Variants in PTPN2 observed in about 807,000 individuals in gnomAD.
PTPN2 encodes the protein tyrosine-protein phosphatase non-receptor type 2.
In PTPN2, 19 loss-of-function variants were observed where a neutral mutation model predicts 57.3. The observed-to-expected ratio is 0.33, with a 90% CI of 0.23 to 0.49. PTPN2 has a LOEUF of 0.49. Among genes scored for constraint, PTPN2 ranks in the 20% least tolerant of loss-of-function variants. The probability of loss-of-function intolerance (pLI) is 0.99; values close to 1 mark genes in which losing one functional copy is unlikely to be tolerated. For synonymous variants in PTPN2, 153 were observed against 164.9 expected (o/e 0.93, Z 0.55); for missense variants, 358 against 501.1 (o/e 0.71, Z 2.73).
chr18:12,855,195 G>A (rs182135075), intron 2 of PTPN2, among the ~76,000 whole-genome samples: 2 of 152,268 alleles, frequency 1.3e-5, no homozygotes, highest in East Asian at 3.9e-4. Flanking sequence ...AGTGTGCATG[G>A]TGGGGAGGGT....
chr18:12,835,653 G>A (rs1303697564), intron 3 of PTPN2, among the ~76,000 whole-genome samples: 1 of 152,120 alleles, frequency 6.6e-6, no homozygotes, highest in Non-Finnish European at 1.5e-5. Flanking sequence ...TGGGATTACA[G>A]GTGTGAGCCT....
At position 12,793,868 on chromosome 18, in the gene PTPN2, C is replaced by A; in HGVS notation, c.*410G>T. 9.6e-7 allele frequency: 1 copy of A among 1,038,266 alleles called. No homozygotes were observed. Among genetic ancestry groups the A allele is most frequent in the Non-Finnish European group, 1.2e-6 (1 of 859,456 alleles). 64.3% of individuals were successfully genotyped at this position (1,038,266 alleles called of 1,614,324 possible). On this transcript the variant is annotated 3_prime_UTR_variant, in exon 9 of 9. Coordinates refer to ENST00000309660, the MANE Select transcript of PTPN2 (RefSeq NM_002828.4). ...TACATTACACACATTATTTAAATGT[C>A]ATTTTCTTTCCAATAACGTAGATAA...
In PTPN2 at chr18:12,870,500, A is replaced by AG. The variant is rs765653644; in HGVS notation, c.70-11247_70-11246insC. 7.6e-3 allele frequency among the ~76,000 whole-genome samples: 400 copies of AG among 52,564 alleles called. 23 individuals carry two copies. Among genetic ancestry groups the AG allele is most frequent in the Non-Finnish European group, 0.011 (325 of 29,692 alleles). The allele number at this position is 52,564 out of a possible 152,430, so 34.5% of individuals were successfully genotyped here. Reference sequence around the variant, plus strand: ...AGAGAGAGAGAGAGAGAGAGAGAGAAAAGCGTGTTGTTTTTTTTTTTTTTT... The same window carrying AG: ...AGAGAGAGAGAGAGAGAGAGAGAGAAGAAGCGTGTTGTTTTTTTTTTTTTTT... On this transcript the variant is annotated intron_variant, in intron 1 of 8. Coordinates refer to ENST00000309660, the MANE Select transcript of PTPN2 (RefSeq NM_002828.4).
intron 2 of PTPN2, among the ~76,000 whole-genome samples, chr18:12,851,953 C>T (rs901486436): frequency 6.6e-6 from 1 of 152,000 alleles, no homozygotes; most frequent in African/African-American, 2.4e-5. Context: ...CGCAGAAAGA[C>T]AAATACTGCA....
intron 2 of PTPN2, among the ~76,000 whole-genome samples, chr18:12,856,658 T>C (rs1414515682): frequency 6.6e-6 from 1 of 152,162 alleles, no homozygotes. Context: ...ACAACATAAG[T>C]CTAAAAGCTG....
chr18:12,858,287 C>T (rs1568154535), intron 2 of PTPN2, among the ~76,000 whole-genome samples: 1 of 152,122 alleles, frequency 6.6e-6, no homozygotes, highest in Non-Finnish European at 1.5e-5. Flanking sequence ...AAGAGAAAAC[C>T]TATGTTTAGC....
At position 12,836,778 on chromosome 18, in the gene PTPN2, T is replaced by A. The variant is rs1487017572; in HGVS notation, c.261+13A>T. On this transcript the variant is annotated intron_variant, in intron 3 of 8. Coordinates refer to ENST00000309660, the MANE Select transcript of PTPN2 (RefSeq NM_002828.4). ...ATCATTTTCAGACATTTGCGTGGTA[T>A]CGTATTACTTGCCTGTGTTAAGATG... The A allele has an allele frequency of 2.0e-6, 3 of 1,490,764 alleles. No homozygotes were observed. The highest frequency in any genetic ancestry group is 1.7e-5 in the Admixed American group (1 of 59,106). 92.3% of individuals were successfully genotyped at this position (1,490,764 alleles called of 1,614,324 possible). A position where few individuals can be genotyped will look rare whatever the true frequency, so the allele number is the denominator to read the frequency against.
chr18:12,850,343 G>A (rs1246364052), intron 2 of PTPN2, among the ~76,000 whole-genome samples: 1 of 151,928 alleles, frequency 6.6e-6, no homozygotes, highest in Admixed American at 6.6e-5. Flanking sequence ...CACAAAATTA[G>A]CCAGGCCTGG....
intron 1 of PTPN2, among the ~76,000 whole-genome samples, chr18:12,870,084 T>A (rs1220015210): frequency 6.6e-6 from 1 of 150,998 alleles, no homozygotes; most frequent in Non-Finnish European, 1.5e-5. Flanking sequence ...GAAGAGAGTT[T>A]AGAGACTAAA....
rs1437012758 is a variant in PTPN2, at chr18:12,793,360, T to TA, written c.*917dup. The TA allele has an allele frequency of 1.0e-6, 1 of 977,646 alleles. No individual in the cohort carries two copies. The highest frequency in any genetic ancestry group is 1.8e-5 in the African/African-American group (1 of 57,052). The allele number at this position is 977,646 out of a possible 1,614,324, so 60.6% of individuals were successfully genotyped here. On this transcript the variant is annotated 3_prime_UTR_variant, in exon 9 of 9. Coordinates refer to ENST00000309660, the MANE Select transcript of PTPN2 (RefSeq NM_002828.4). Reference sequence around the variant, plus strand: ...TTATGAATCATAAAATGCTGCTTCTTACTTTTGCTTCCTAAATCATAATCT... The same window carrying TA: ...TTATGAATCATAAAATGCTGCTTCTTAACTTTTGCTTCCTAAATCATAATCT...
At chr18:12,823,734 C>A (rs2042350191) in intron 5 of PTPN2, among the ~76,000 whole-genome samples, 1 of 151,946 alleles carries the variant, frequency 6.6e-6, no homozygotes, top group Non-Finnish European at 1.5e-5. Flanking sequence ...GCTAAGTAAT[C>A]GATGGAAAAA....
chr18:12,861,788 T>TAC (rs1310931628), intron 1 of PTPN2, among the ~76,000 whole-genome samples: 1 of 152,174 alleles, frequency 6.6e-6, no homozygotes, highest in African/African-American at 2.4e-5. Context: ...ACTTCTGTGA[T>TAC]ACACACACAC....
intron 1 of PTPN2, chr18:12,862,060 T>C (rs1402713338): frequency 6.6e-6 from 1 of 151,986 alleles, no homozygotes. Context: ...TTCTACTTTA[T>C]AAAAAAAATT....
At chr18:12,806,334 A>G (rs747604510) in intron 7 of PTPN2, among the ~76,000 whole-genome samples, 3 of 152,204 alleles carry the variant, frequency 2.0e-5, no homozygotes, top group African/African-American at 7.2e-5. Context: ...AAGATAGCCT[A>G]TGTTCATGGA....
chr18:12,823,917 C>T (rs1235750651), intron 5 of PTPN2, among the ~76,000 whole-genome samples: 3 of 152,080 alleles, frequency 2.0e-5, no homozygotes, highest in African/African-American at 4.8e-5. Context: ...TTTATTGTTA[C>T]TTAAGGTATA....
intron 1 of PTPN2, among the ~76,000 whole-genome samples, chr18:12,879,731 T>A (rs2044606127): frequency 6.6e-6 from 1 of 152,238 alleles, no homozygotes; most frequent in Non-Finnish European, 1.5e-5. Flanking sequence ...AAATTCATTT[T>A]TCCCGCTAGA....
Position 12,884,148 on chromosome 18 carries a change from G to A in PTPN2, c.-7C>T, listed in dbSNP as rs775734041. The A allele has an allele frequency of 6.3e-7, 1 of 1,579,548 alleles. No individual in the cohort carries two copies. Among genetic ancestry groups the A allele is most frequent in the Non-Finnish European group, 8.6e-7 (1 of 1,164,586 alleles). On this transcript the variant is annotated 5_prime_UTR_variant, in exon 1 of 9. Transcript: ENST00000309660. ...GCTCGATGGTGGTGGGCATGGCTGC[G>A]GGAGCGAGCTGGCGCGAGCAGAGCC... is the stretch of plus-strand genomic sequence containing the variant.
chr18:12,808,948 T>G (rs546158221), intron 7 of PTPN2, among the ~76,000 whole-genome samples: 1 of 152,344 alleles, frequency 6.6e-6, no homozygotes, highest in East Asian at 1.9e-4. Context: ...CAGTGGTGCT[T>G]GAATGTGATC....
At chr18:12,785,872 T>C (rs763569548) in intron 9 of PTPN2, 1 of 1,570,208 alleles carries the variant, frequency 6.4e-7, no homozygotes, top group South Asian at 1.1e-5. Context: ...AAGTCATCTA[T>C]TCAATTCATA....
Sources: allele counts gnomAD v4.1 joint callset (sites outside exome capture counted in the v4.1 genomes callset), GRCh38; gene constraint gnomAD v4.1.1; transcripts MANE v1.5; gene names NCBI Gene and HGNC (gene_info 2026-07-23, HGNC 2026-07-21).